The following SLC4A4 variants were observed in gnomAD, a reference collection of about 807,000 sequenced individuals.
SLC4A4 encodes the protein electrogenic sodium bicarbonate cotransporter 1.
A neutral mutation model predicts 111.5 loss-of-function variants in SLC4A4; 27 were observed. The observed-to-expected ratio is 0.24, with a 90% confidence interval of 0.18 to 0.33. SLC4A4 has a LOEUF of 0.33. Ranked by LOEUF, SLC4A4 falls within the 10% of genes least tolerant of loss-of-function variation. The probability of loss-of-function intolerance (pLI) is 1.00; values close to 1 mark genes in which losing one functional copy is unlikely to be tolerated. For synonymous variants in SLC4A4, 443 were observed against 463.4 expected (o/e 0.96, Z 0.57); for missense variants, 909 against 1,315.5 (o/e 0.69, Z 4.78).
intron 1 of SLC4A4, among the ~76,000 whole-genome samples, chr4:71,086,895 G>A (rs945984814): frequency 1.8e-4 from 27 of 151,944 alleles, no homozygotes; most frequent in Middle Eastern, 3.2e-3. Context: ...GCCAGGCTTT[G>A]GTATCAGGAT....
intron 7 of SLC4A4, among the ~76,000 whole-genome samples, chr4:71,434,959 G>A (rs1723985338): frequency 6.6e-6 from 1 of 152,118 alleles, no homozygotes; most frequent in East Asian, 1.9e-4. Flanking sequence ...CTCATGAATA[G>A]GAATAATCAA....
chr4:71,536,590 G>C (rs776802369), intron 18 of SLC4A4, among the ~76,000 whole-genome samples: 4 of 149,430 alleles, frequency 2.7e-5, no homozygotes, highest in Non-Finnish European at 4.5e-5. Context: ...TCTGCCTCCG[G>C]GGTTCAAGTG....
chr4:71,201,990 A>C (rs1746276833), intron 1 of SLC4A4, among the ~76,000 whole-genome samples: 1 of 152,184 alleles, frequency 6.6e-6, no homozygotes, highest in Non-Finnish European at 1.5e-5. Flanking sequence ...GTTAACAGAG[A>C]GTTCACTGCT....
chr4:71,272,387 A>C (rs890407763), intron 3 of SLC4A4, among the ~76,000 whole-genome samples: 2 of 152,178 alleles, frequency 1.3e-5, no homozygotes, highest in African/African-American at 4.8e-5. Flanking sequence ...TAGATAAGGA[A>C]AGTGAGGCTC....
chr4:71,423,212 A>G (rs931640405), intron 7 of SLC4A4, among the ~76,000 whole-genome samples: 4 of 152,242 alleles, frequency 2.6e-5, no homozygotes, highest in African/African-American at 9.6e-5. Context: ...ACAGAGAGCC[A>G]AATCATGAGT....
chr4:71,418,840 T>G (rs990122603), intron 7 of SLC4A4, among the ~76,000 whole-genome samples: 5 of 152,184 alleles, frequency 3.3e-5, no homozygotes, highest in African/African-American at 1.2e-4. Flanking sequence ...CTTTTGGTCT[T>G]TGATGATGGT....
chr4:71,150,033 A>C (rs1281546788), intron 2 of SLC4A4, among the ~76,000 whole-genome samples: 1 of 152,262 alleles, frequency 6.6e-6, no homozygotes, highest in African/African-American at 2.4e-5. Flanking sequence ...ATACATGTGA[A>C]TATACCTGCT....
intron 2 of SLC4A4, among the ~76,000 whole-genome samples, chr4:71,101,941 G>C (rs1039911417): frequency 2.0e-5 from 3 of 151,998 alleles, no homozygotes; most frequent in African/African-American, 7.3e-5. Context: ...GGCGAGCTGA[G>C]AGAAGAAGGC....
chr4:71,503,222 A>G (rs535465263), intron 16 of SLC4A4, among the ~76,000 whole-genome samples: 5 of 148,600 alleles, frequency 3.4e-5, no homozygotes, highest in African/African-American at 7.4e-5. Flanking sequence ...GATCTCTAGT[A>G]GGCAAACTAT....
chr4:71,236,712 T>C (rs1255595642), intron 2 of SLC4A4, 63 bp downstream of exon 2: 4 of 1,276,542 alleles, frequency 3.1e-6, no homozygotes, highest in Admixed American at 3.4e-5. Context: ...GATAATAACA[T>C]TCATGCATTT....
At chr4:71,222,388 C>T (rs1718799361) in intron 1 of SLC4A4, among the ~76,000 whole-genome samples, 2 of 152,222 alleles carry the variant, frequency 1.3e-5, no homozygotes, top group Admixed American at 1.3e-4. Flanking sequence ...CTATTTAAAA[C>T]TGCACCACTA....
intron 3 of SLC4A4, among the ~76,000 whole-genome samples, chr4:71,282,590 T>C (rs962794142): frequency 3.3e-5 from 5 of 151,686 alleles, no homozygotes; most frequent in Non-Finnish European, 7.4e-5. Context: ...CAGCTGATTT[T>C]TTTTTTTTTA....
chr4:71,290,718 A>G (rs941410203), intron 3 of SLC4A4, among the ~76,000 whole-genome samples: 2 of 152,222 alleles, frequency 1.3e-5, no homozygotes, highest in South Asian at 2.1e-4. Context: ...TAGATTTCTC[A>G]TATTATACAA....
intron 16 of SLC4A4, among the ~76,000 whole-genome samples, chr4:71,509,311 C>A (rs1347208698): frequency 6.6e-6 from 1 of 152,082 alleles, no homozygotes; most frequent in African/African-American, 2.4e-5. Flanking sequence ...GGAAGTCAAA[C>A]TAGCCTTTTT....
chr4:71,558,591 T>C lies in SLC4A4; in HGVS notation c.2937+706T>C, dbSNP rs78817462. Among the ~76,000 whole-genome samples, 1,041 of 152,044 alleles carry C rather than the reference T, an allele frequency of 6.8e-3. 16 individuals are homozygous for C. Among genetic ancestry groups the C allele is most frequent in the African/African-American group, 0.023 (974 of 41,546 alleles). ...TCTTTACTTCTTGCAAGAAAATGCA[T>C]ATATGTACACTTAAAACAAGTCACA... On this transcript the variant is annotated intron_variant, in intron 22 of 25. Transcript: ENST00000264485.
intron 1 of SLC4A4, among the ~76,000 whole-genome samples, chr4:71,202,551 T>TGTACCA (rs1341267173): frequency 1.3e-5 from 2 of 152,212 alleles, no homozygotes; most frequent in Non-Finnish European, 2.9e-5. Flanking sequence ...GTCTTCTGTT[T>TGTACCA]GTACCAGTAA....
intron 2 of SLC4A4, among the ~76,000 whole-genome samples, chr4:71,097,817 A>G (rs1484477821): frequency 2.0e-5 from 3 of 152,142 alleles, no homozygotes; most frequent in Non-Finnish European, 4.4e-5. Flanking sequence ...GGCGACATGC[A>G]TGTCTTCTTT....
At chr4:71,066,075 C>T (rs1741509902) in intron 1 of SLC4A4, among the ~76,000 whole-genome samples, 1 of 152,142 alleles carries the variant, frequency 6.6e-6, no homozygotes, top group Admixed American at 6.5e-5. Flanking sequence ...AAGAAAAAAG[C>T]CCTCAAAATA....
At chr4:71,223,852 C>G (rs1718897754) in intron 1 of SLC4A4, among the ~76,000 whole-genome samples, 1 of 152,100 alleles carries the variant, frequency 6.6e-6, no homozygotes, top group Admixed American at 6.5e-5. Flanking sequence ...CTGCCCGCTT[C>G]TGTTCCCTTC....
Sources: gnomAD v4.1 joint callset for allele counts (sites outside exome capture counted in the v4.1 genomes callset) on GRCh38, gnomAD v4.1.1 for gene constraint, MANE v1.5 for transcripts, NCBI Gene and HGNC (gene_info 2026-07-23, HGNC 2026-07-21) for gene names.